SLC25A29: variants seen among roughly 807,000 people sequenced by gnomAD.
SLC25A29 encodes solute carrier family 25 member 29, also known as mitochondrial basic amino acids transporter.
SLC25A29 carries 13 observed loss-of-function variants against 10.0 expected under a neutral mutation model. The ratio of observed to expected loss-of-function variants is 1.30; its 90% CI spans 0.85 to 2.07. The LOEUF is 2.07. Among genes scored for constraint, SLC25A29 ranks in the 30% most tolerant of loss-of-function variants. SLC25A29 has a pLI of 0.00. For missense variants in SLC25A29, 475 were observed against 447.6 expected, an observed-to-expected ratio of 1.06 and a Z score of -0.55; for synonymous variants, 244 against 221.1, an observed-to-expected ratio of 1.10 and a Z score of -0.92.
chr14:100,292,484 C>G lies in SLC25A29; in HGVS notation c.711G>C (p.Gln237His). The G allele has an allele frequency of 6.3e-7, 1 of 1,585,972 alleles. No homozygotes were observed. ...CGCGCCAGCCCTCGGCGCGGTAGCT[C>G]TGGTGCACGCAGTCCAGGATGCCGC... is the stretch of plus-strand genomic sequence containing the variant. ...RYRGILDCVH[Q>H]SYRAEGWRVF... is the part of the protein sequence containing the mutation. The change falls in exon 4 of 4, where the codon CAG (glutamine) becomes CAC (histidine). Residue 237 changes from glutamine to histidine, a missense_variant. By Grantham distance (24) the Gln-to-His change is conservative. Transcript: ENST00000359232.
downstream of SLC25A29, among the ~76,000 whole-genome samples, chr14:100,287,843 T>A (rs569110525): frequency 6.6e-6 from 1 of 152,144 alleles, no homozygotes. Context: ...TGGTGGTGCA[T>A]TTGGCTGCAA....
intron 2 of SLC25A29, 79 bp from the exon 3 acceptor site, chr14:100,293,456 T>A: frequency 7.3e-7 from 1 of 1,365,422 alleles, no homozygotes; most frequent in Non-Finnish European, 1.0e-6. Context: ...TTAGGCTGCC[T>A]AGGAGGGTCT....
At chr14:100,283,976 G>T in the SLC25A29 span, among the ~76,000 whole-genome samples, 2 of 152,204 alleles carry the variant, frequency 1.3e-5, no homozygotes, top group Admixed American at 6.5e-5. Context: ...TGAATTCCTG[G>T]ACTCCAGTGG....
intron 2 of SLC25A29, chr14:100,295,784 A>C (rs1487059781): frequency 1.6e-6 from 2 of 1,289,402 alleles, no homozygotes; most frequent in Non-Finnish European, 1.0e-6. Context: ...GCCCCCACCC[A>C]CACTCCCCAT....
At chr14:100,288,471 C>T (rs757331680), downstream of SLC25A29, among the ~76,000 whole-genome samples, 4 of 149,108 alleles carry the variant, frequency 2.7e-5, no homozygotes, top group Non-Finnish European at 5.9e-5. Context: ...ATTTCAAGAG[C>T]AGTTGGCACT....
At chr14:100,284,583 C>T in the SLC25A29 span, among the ~76,000 whole-genome samples, 2 of 152,218 alleles carry the variant, frequency 1.3e-5, no homozygotes, top group African/African-American at 4.8e-5. Flanking sequence ...TCCTGTCCCT[C>T]CCCTCCCTCT....
At chr14:100,282,408 G>A in the SLC25A29 span, 1 of 152,248 alleles carries the variant, frequency 6.6e-6, no homozygotes, top group Non-Finnish European at 1.5e-5. Context: ...ATCACGGAGG[G>A]GAGAAAGGCA....
chr14:100,285,282 C>A, the SLC25A29 span, among the ~76,000 whole-genome samples: 2 of 151,814 alleles, frequency 1.3e-5, no homozygotes, highest in African/African-American at 4.8e-5. Flanking sequence ...TTGGGCCGCG[C>A]CTTTGTCCCA....
the SLC25A29 span, among the ~76,000 whole-genome samples, chr14:100,284,033 C>A: frequency 6.6e-6 from 1 of 152,168 alleles, no homozygotes; most frequent in South Asian, 2.1e-4. Flanking sequence ...CGTGAGCCAC[C>A]ATGCGCAGCC....
At chr14:100,298,467 A>T (rs1892319159) in intron 2 of SLC25A29, 1 of 326,448 alleles carries the variant, frequency 3.1e-6, no homozygotes. Flanking sequence ...CCACTCCGTG[A>T]AGATCATGTT....
At chr14:100,303,852 C>G (rs1444203084) in intron 1 of SLC25A29, among the ~76,000 whole-genome samples, 1 of 152,148 alleles carries the variant, frequency 6.6e-6, no homozygotes, top group Non-Finnish European at 1.5e-5. Context: ...GAAGAGGCAC[C>G]CTTCCCTCTT....
rs531843231 is a variant in SLC25A29, at chr14:100,291,839, C to T, written c.*444G>A. On this transcript the variant is annotated 3_prime_UTR_variant, in exon 4 of 4. Transcript: ENST00000359232. ...CACAGACCAGAGGGGTGGCCCACCA[C>T]CCCCCCGGGTGGAGGATGTGTGGAG... 4.4e-6 allele frequency: 1 copy of T among 229,808 alleles called. No homozygotes were observed. Among genetic ancestry groups the T allele is most frequent in the Admixed American group, 5.5e-5 (1 of 18,066 alleles). The allele number at this position is 229,808 out of a possible 1,614,324, so 14.2% of individuals were successfully genotyped here. A position where few individuals can be genotyped will look rare whatever the true frequency, so the allele number is the denominator to read the frequency against.
intron 2 of SLC25A29, among the ~76,000 whole-genome samples, chr14:100,296,965 C>T (rs918640607): frequency 4.0e-4 from 61 of 151,812 alleles, no homozygotes; most frequent in African/African-American, 1.4e-3. Context: ...CGTGCTGGCA[C>T]GTGCCTGTAA....
chr14:100,306,061 G>A (rs1892921379), intron 1 of SLC25A29, 138 bp downstream of exon 1: 1 of 556,592 alleles, frequency 1.8e-6, no homozygotes, highest in Non-Finnish European at 2.9e-6. Flanking sequence ...ACCCGCCCGA[G>A]GCAAGAGAAC....
At position 100,292,146 on chromosome 14, in the gene SLC25A29, T is replaced by C; in HGVS notation, c.*137A>G. The C allele has an allele frequency of 4.2e-6, 5 of 1,179,332 alleles. No individual in the cohort carries two copies. Among genetic ancestry groups the C allele is most frequent in the Non-Finnish European group, 6.0e-6 (5 of 830,800 alleles). 73.1% of individuals were successfully genotyped at this position (1,179,332 alleles called of 1,614,324 possible). On this transcript the variant is annotated 3_prime_UTR_variant, in exon 4 of 4. Coordinates refer to ENST00000359232, the MANE Select transcript of SLC25A29 (RefSeq NM_001039355.3). ...TTCTCGGCCAAAACTACCCAGCTGA[T>C]CAGCAAAATTCAGCCCACGTCTGAT...
chr14:100,292,910 C>T lies in SLC25A29; in HGVS notation c.285G>A (p.Gln95=). 1 of 1,608,664 alleles carries T rather than the reference C, an allele frequency of 6.2e-7. No homozygotes were observed. Among genetic ancestry groups the T allele is most frequent in the South Asian group, 1.1e-5 (1 of 90,454 alleles). The change falls in exon 4 of 4, where the codon CAG becomes CAA. Residue 95 remains glutamine (Q), a synonymous_variant. Coordinates refer to ENST00000359232, the MANE Select transcript of SLC25A29 (RefSeq NM_001039355.3). Reference sequence around the variant, plus strand: ...CGCCCGCCGCCGCACCTGCCAGGAACTGGTTGAGGGGCGAGTCGTGGCCCA... The same window carrying T: ...CGCCCGCCGCCGCACCTGCCAGGAATTGGTTGAGGGGCGAGTCGTGGCCCA... ...RALGHDSPLN[Q]FLAGAAAGAI...
At position 100,292,611 on chromosome 14, in the gene SLC25A29, G is replaced by A. The variant is rs772824998; in HGVS notation, c.584C>T (p.Ala195Val). The A allele has an allele frequency of 1.9e-6, 3 of 1,604,956 alleles. No homozygotes were observed. The highest frequency in any genetic ancestry group is 1.3e-5 in the African/African-American group (1 of 74,836). The part of the protein sequence containing the change: ...DRLLVPKLLL[A>V]GGTSGIVSWL... ...GGACACGATGCCTGACGTACCGCCC[G>A]CCAACAGCAGCTTGGGCACCAGCAG... The change falls in exon 4 of 4, where the codon GCG (alanine) becomes GTG (valine). Residue 195 changes from alanine to valine, a missense_variant. Physicochemically the swap from Ala to Val is moderately conservative, Grantham distance 64. Coordinates refer to ENST00000359232, the MANE Select transcript of SLC25A29 (RefSeq NM_001039355.3).
At chr14:100,280,356 A>G in the SLC25A29 span, 1 of 152,230 alleles carries the variant, frequency 6.6e-6, no homozygotes, top group African/African-American at 2.4e-5. Flanking sequence ...TGTTTCTAGC[A>G]TATGTAATAT....
intron 2 of SLC25A29, chr14:100,295,561 T>G: frequency 7.9e-7 from 1 of 1,272,868 alleles, no homozygotes; most frequent in Non-Finnish European, 1.0e-6. Flanking sequence ...AACTCTGGGG[T>G]TGGGGAGATG....
Sources: gnomAD v4.1 joint callset for allele counts (sites outside exome capture counted in the v4.1 genomes callset) on GRCh38, gnomAD v4.1.1 for gene constraint, MANE v1.5 for transcripts, NCBI Gene and HGNC (gene_info 2026-07-23, HGNC 2026-07-21) for gene names.